Variants in MARCHF1 observed in about 807,000 individuals in gnomAD.
The protein encoded by MARCHF1 is membrane associated ring-CH-type finger 1.
Under a neutral mutation model 54.2 loss-of-function variants are expected in MARCHF1, and 40 were observed. That is an observed-to-expected ratio of 0.74 (90% CI 0.57 to 0.96). The LOEUF (loss-of-function observed/expected upper bound fraction) is 0.96. MARCHF1 is among the 40% of genes least tolerant of loss of function. The pLI, the probability that MARCHF1 is intolerant of heterozygous loss-of-function variation, is 0.00. For missense variants in MARCHF1, 586 were observed against 656.5 expected (o/e 0.89, Z 1.17); for synonymous variants, 236 against 236.3 (o/e 1.00, Z 0.01).
At chr4:163,810,329 T>C (rs1196250149) in intron 4 of MARCHF1, among the ~76,000 whole-genome samples, 5 of 152,240 alleles carry the variant, frequency 3.3e-5, no homozygotes, top group African/African-American at 1.2e-4. Context: ...TTTAAAATTA[T>C]TAATCACAGA....
chr4:163,889,696 C>T (rs1750612074), intron 3 of MARCHF1, among the ~76,000 whole-genome samples: 1 of 151,928 alleles, frequency 6.6e-6, no homozygotes, highest in African/African-American at 2.4e-5. Flanking sequence ...AATCATGACT[C>T]GATCCTATTT....
At chr4:164,077,712 T>G (rs1755009319) in intron 2 of MARCHF1, among the ~76,000 whole-genome samples, 2 of 151,950 alleles carry the variant, frequency 1.3e-5, no homozygotes, top group African/African-American at 4.8e-5. Flanking sequence ...CATCAAAAAG[T>G]GGGTGAAGGA....
chr4:164,143,551 A>G (rs9715146), intron 1 of MARCHF1, among the ~76,000 whole-genome samples: 27,566 of 150,694 alleles, frequency 0.18, 3,887 homozygotes, highest in African/African-American at 0.39. Flanking sequence ...TTCAACCCAG[A>G]ATTTCATATC....
intron 1 of MARCHF1, among the ~76,000 whole-genome samples, chr4:164,121,561 C>T (rs990091074): frequency 3.9e-5 from 6 of 152,056 alleles, no homozygotes; most frequent in Non-Finnish European, 5.9e-5. Context: ...GGAATCCACC[C>T]CCATGATTCA....
intron 5 of MARCHF1, among the ~76,000 whole-genome samples, chr4:163,665,257 T>A (rs908852017): frequency 8.5e-5 from 13 of 152,138 alleles, no homozygotes. Flanking sequence ...ATGATACAAA[T>A]GCAAATTACA....
At chr4:163,867,136 T>G (rs1579352494) in intron 3 of MARCHF1, among the ~76,000 whole-genome samples, 1 of 151,924 alleles carries the variant, frequency 6.6e-6, no homozygotes, top group East Asian at 1.9e-4. Flanking sequence ...GACTTTATCC[T>G]AAGTCATCTC....
chr4:164,327,646 G>A (rs756483581), intron 1 of MARCHF1, among the ~76,000 whole-genome samples: 23 of 152,296 alleles, frequency 1.5e-4, no homozygotes, highest in Non-Finnish European at 2.6e-4. Flanking sequence ...GAGGCTGAGA[G>A]GCCAGTTTGG....
At chr4:163,571,070 C>T (rs377159033) in intron 8 of MARCHF1, among the ~76,000 whole-genome samples, 3 of 152,082 alleles carry the variant, frequency 2.0e-5, no homozygotes, top group Admixed American at 6.6e-5. Context: ...CTACAGTCAA[C>T]AACCTTTTTA....
chr4:163,677,768 T>A (rs946248310), intron 5 of MARCHF1, among the ~76,000 whole-genome samples: 1 of 152,188 alleles, frequency 6.6e-6, no homozygotes, highest in Non-Finnish European at 1.5e-5. Flanking sequence ...ACATTTAAAC[T>A]CCAGCAGAGT....
At chr4:164,214,022 A>G (rs1440340578) in intron 1 of MARCHF1, among the ~76,000 whole-genome samples, 1 of 152,124 alleles carries the variant, frequency 6.6e-6, no homozygotes, top group Non-Finnish European at 1.5e-5. Flanking sequence ...ATGTTTATAT[A>G]AAAATAACTC....
intron 2 of MARCHF1, among the ~76,000 whole-genome samples, chr4:164,059,827 T>C (rs1754575913): frequency 6.6e-6 from 1 of 152,140 alleles, no homozygotes; most frequent in Non-Finnish European, 1.5e-5. Context: ...AATGAATAAA[T>C]ATTTGATTAG....
intron 3 of MARCHF1, among the ~76,000 whole-genome samples, chr4:163,974,362 A>C (rs2110847713): frequency 6.6e-6 from 1 of 152,362 alleles, no homozygotes; most frequent in African/African-American, 2.4e-5. Flanking sequence ...CCATGCTGTA[A>C]GGAAGCCAAT....
intron 1 of MARCHF1, among the ~76,000 whole-genome samples, chr4:164,113,983 G>A (rs1249848469): frequency 6.6e-6 from 1 of 151,938 alleles, no homozygotes; most frequent in Non-Finnish European, 1.5e-5. Flanking sequence ...CAGTAGAGGG[G>A]ATAAAGGATT....
intron 1 of MARCHF1, among the ~76,000 whole-genome samples, chr4:164,270,874 A>C (rs1394498800): frequency 6.6e-6 from 1 of 152,158 alleles, no homozygotes; most frequent in East Asian, 1.9e-4. Context: ...AGCATTTCTA[A>C]AATGTGTATA....
At chr4:163,663,448 A>G (rs1743420471) in intron 5 of MARCHF1, among the ~76,000 whole-genome samples, 1 of 152,008 alleles carries the variant, frequency 6.6e-6, no homozygotes, top group Non-Finnish European at 1.5e-5. Flanking sequence ...TTCCTAGCAC[A>G]GCTGAGTATA....
intron 1 of MARCHF1, among the ~76,000 whole-genome samples, chr4:164,307,984 G>T (rs1734741014): frequency 6.6e-6 from 1 of 152,016 alleles, no homozygotes; most frequent in Non-Finnish European, 1.5e-5. Context: ...TACTAAACAC[G>T]CCAAATCTTA....
intron 1 of MARCHF1, among the ~76,000 whole-genome samples, chr4:164,254,920 T>C (rs898558161): frequency 6.6e-6 from 1 of 152,134 alleles, no homozygotes; most frequent in African/African-American, 2.4e-5. Context: ...ATACTTTGTA[T>C]CCCCTAAATC....
At chr4:163,975,178 TCTC>T (rs1752624577) in intron 3 of MARCHF1, among the ~76,000 whole-genome samples, 1 of 129,304 alleles carries the variant, frequency 7.7e-6, no homozygotes, top group Non-Finnish European at 1.5e-5. Context: ...TCTCTCTCTC[TCTC>T]TCTCTCTCTC....
rs762598229 is a variant in MARCHF1 at position 163,773,009 on chromosome 4, AT to A, written c.112-72147del. Among the ~76,000 whole-genome samples the A allele has an allele frequency of 4.3e-4, 66 of 152,222 alleles. 1 individual carries two copies. The highest frequency in any genetic ancestry group is 1.5e-3 in the Admixed American group (23 of 15,272). On this transcript the variant is annotated intron_variant, in intron 4 of 9. Coordinates refer to ENST00000514618, the MANE Select transcript of MARCHF1 (RefSeq NM_001394959.1). ...TTGTCAAGTGTTTAGTTTGCTGAAA[AT>A]AAATGGAAAGTACCTGTCTCAAAGT...
Sources: gnomAD v4.1 joint callset for allele counts (sites outside exome capture counted in the v4.1 genomes callset) on GRCh38, gnomAD v4.1.1 for gene constraint, MANE v1.5 for transcripts, NCBI Gene and HGNC (gene_info 2026-07-23, HGNC 2026-07-21) for gene names.